Variants in MYO10 observed in about 807,000 individuals in gnomAD.
MYO10 encodes unconventional myosin-X.
MYO10 carries 133 observed loss-of-function variants against 257.3 expected under a neutral mutation model. The ratio of observed to expected loss-of-function variants is 0.52; its 90% CI spans 0.45 to 0.60. The LOEUF is 0.60. MYO10 is among the 20% of genes least tolerant of loss of function. The pLI, the probability that MYO10 is intolerant of heterozygous loss-of-function variation, is 0.00. For synonymous variants in MYO10, 1,104 were observed against 1,028.6 expected, an observed-to-expected ratio of 1.07 and a Z score of -1.40; for missense variants, 2,399 against 2,635.7, an observed-to-expected ratio of 0.91 and a Z score of 1.97.
chr5:16,875,550 T>C (rs909698478), intron 2 of MYO10, among the ~76,000 whole-genome samples: 2 of 152,184 alleles, frequency 1.3e-5, no homozygotes, highest in African/African-American at 2.4e-5. Flanking sequence ...TGTCTCTTTG[T>C]TCCCCCTCTC....
rs985678223 is a variant in MYO10, at chr5:16,701,077, G to A, written c.3318C>T (p.Ser1106=). 6.3e-6 allele frequency: 10 copies of A among 1,576,902 alleles called. 1 individual carries two copies. The South Asian group carries it at 8.2e-5, about 13-fold the overall frequency. Residue 1106 remains serine (S), a synonymous_variant, in exon 25 of 41, where the codon AGC becomes AGT. Coordinates refer to ENST00000513610, the MANE Select transcript of MYO10 (RefSeq NM_012334.3). The surrounding 1 kb of genome is among the most constrained non-coding windows in gnomAD (Gnocchi z 8.1). Reference sequence around the variant, plus strand: ...TGCCGTAGGAGTTGGAGAAGGTCACGCTGCTGCCGGAAGTGATGGCACCGT... The same window carrying A: ...TGCCGTAGGAGTTGGAGAAGGTCACACTGCTGCCGGAAGTGATGGCACCGT... ...YEDGAITSGS[S]VTFSNSYGSQ... is the part of the protein sequence containing the mutation.
intron 22 of MYO10, 77 bp from the exon 23 acceptor site, chr5:16,703,235 G>A: frequency 8.8e-7 from 1 of 1,139,484 alleles, no homozygotes; most frequent in Admixed American, 2.5e-5. Flanking sequence ...TCACATCAAG[G>A]CTACAAGACA....
intron 35 of MYO10, among the ~76,000 whole-genome samples, chr5:16,674,093 G>A (rs1434276454): frequency 6.6e-6 from 1 of 152,188 alleles, no homozygotes; most frequent in Non-Finnish European, 1.5e-5. Flanking sequence ...AAGAGCCAAT[G>A]TCTCACTGGG....
chr5:16,737,255 A>T (rs1739841027), intron 19 of MYO10, among the ~76,000 whole-genome samples: 1 of 152,220 alleles, frequency 6.6e-6, no homozygotes, highest in Non-Finnish European at 1.5e-5. Flanking sequence ...CCAAAGCCAA[A>T]CAGTATTCCC....
chr5:16,827,787 G>A (rs548650814), intron 2 of MYO10, among the ~76,000 whole-genome samples: 5 of 152,210 alleles, frequency 3.3e-5, no homozygotes, highest in Non-Finnish European at 7.4e-5. Context: ...CAGAGGGAAC[G>A]GGTTTATTAA....
At chr5:16,894,432 C>A (rs1032271592) in intron 1 of MYO10, among the ~76,000 whole-genome samples, 2 of 152,162 alleles carry the variant, frequency 1.3e-5, no homozygotes, top group Non-Finnish European at 2.9e-5. Flanking sequence ...CTGGCTTTAC[C>A]ACATCTTAGC....
At chr5:16,883,710 T>TA (rs1231546558) in intron 1 of MYO10, among the ~76,000 whole-genome samples, 11 of 152,198 alleles carry the variant, frequency 7.2e-5, no homozygotes, top group African/African-American at 2.4e-4. Flanking sequence ...ATAAAGAGGA[T>TA]AGTATCACCA....
intron 18 of MYO10, 87 bp from the exon 19 acceptor site, chr5:16,754,995 T>C (rs889419516): frequency 2.5e-6 from 2 of 790,602 alleles, no homozygotes; most frequent in Non-Finnish European, 3.9e-6. Flanking sequence ...AAACAATAAT[T>C]TAAAAAACAC....
At chr5:16,782,876 A>G (rs138964131) in intron 5 of MYO10, among the ~76,000 whole-genome samples, 14 of 152,278 alleles carry the variant, frequency 9.2e-5, no homozygotes, top group Non-Finnish European at 1.8e-4. Context: ...GCTCATGTTA[A>G]GCCTCCAAGC....
At chr5:16,816,356 CA>C (rs1742608501) in intron 3 of MYO10, among the ~76,000 whole-genome samples, 1 of 136,190 alleles carries the variant, frequency 7.3e-6, no homozygotes, top group Non-Finnish European at 1.6e-5. Context: ...AAAAAAAAGG[CA>C]AATACACTCT....
rs939102743 is a variant in MYO10, at chr5:16,664,813, A to G, written c.*1879T>C. 6.6e-6 allele frequency: 1 copy of G among 152,210 alleles called. No homozygotes were observed. Among genetic ancestry groups the G allele is most frequent in the Non-Finnish European group, 1.5e-5 (1 of 68,044 alleles). The allele number at this position is 152,210 out of a possible 1,614,324, so 9.4% of individuals were successfully genotyped here. ...CCAGTCCCTTCTTTTGCTTTCTTGA[A>G]GTCACACTCAGTGTCTACAAGAGCA... On this transcript the variant is annotated 3_prime_UTR_variant, in exon 41 of 41. Transcript: ENST00000513610.
At chr5:16,831,693 T>C (rs1233346012) in intron 2 of MYO10, among the ~76,000 whole-genome samples, 1 of 152,044 alleles carries the variant, frequency 6.6e-6, no homozygotes, top group East Asian at 1.9e-4. Context: ...GGCGTAAGAA[T>C]GACACAATGG....
Position 16,879,925 on chromosome 5 carries a change from C to A in MYO10, c.22-2218G>T, listed in dbSNP as rs551450872. Among the ~76,000 whole-genome samples, 3 of 152,320 alleles carry A rather than the reference C, an allele frequency of 2.0e-5. No homozygotes were observed. In the East Asian group the frequency reaches 5.8e-4, roughly 29 times the overall value. On this transcript the variant is annotated intron_variant, in intron 1 of 40. Transcript: ENST00000513610. Reference sequence around the variant, plus strand: ...GGACGTGGTGGCTCACGCCTATAATCCCAGCACTTTCGAAGGCCGAGATGG... The same window carrying A: ...GGACGTGGTGGCTCACGCCTATAATACCAGCACTTTCGAAGGCCGAGATGG...
chr5:16,852,075 A>G lies in MYO10; in HGVS notation c.120+25534T>C, dbSNP rs866548188. Among the ~76,000 whole-genome samples, 644 of 146,708 alleles carry G rather than the reference A, an allele frequency of 4.4e-3. 12 individuals carry two copies. The highest frequency in any genetic ancestry group is 0.021 in the Middle Eastern group (6 of 286). On this transcript the variant is annotated intron_variant, in intron 2 of 40. Coordinates refer to ENST00000513610, the MANE Select transcript of MYO10 (RefSeq NM_012334.3). Reference sequence around the variant, plus strand: ...CAAAAAAAAAAAAAAAAAAAAAAAAAAAGAAGACTTACTGATCACTGGGAA... The same window carrying G: ...CAAAAAAAAAAAAAAAAAAAAAAAAGAAGAAGACTTACTGATCACTGGGAA...
intron 1 of MYO10, among the ~76,000 whole-genome samples, chr5:16,930,708 C>A (rs1746270486): frequency 6.6e-6 from 1 of 152,176 alleles, no homozygotes; most frequent in Non-Finnish European, 1.5e-5. Context: ...CGGCTGATAA[C>A]CATGCAAACT....
intron 3 of MYO10, among the ~76,000 whole-genome samples, chr5:16,796,202 A>AAC (rs1741941687): frequency 1.4e-5 from 1 of 69,406 alleles, no homozygotes; most frequent in South Asian, 6.3e-4. Context: ...AAAAAAAAAA[A>AAC]AGAAAGAACA....
rs1736043924 is a variant in MYO10, at chr5:16,663,330, T to TTG, written c.*3361_*3362insCA. On this transcript the variant is annotated 3_prime_UTR_variant, in exon 41 of 41. Transcript: ENST00000513610. ...AAAGTAACATTTTACTTCTAGTTGT[T>TTG]TTTTTTTTTTTTTTTTTTTTTTTTT... 7 of 26,958 alleles carry TTG rather than the reference T, an allele frequency of 2.6e-4. No homozygotes were observed. Among genetic ancestry groups the TTG allele is most frequent in the African/African-American group, 7.5e-4 (6 of 8,044 alleles). 1.7% of individuals were successfully genotyped at this position (26,958 alleles called of 1,614,324 possible).
intron 10 of MYO10, among the ~76,000 whole-genome samples, chr5:16,766,596 A>AT (rs1346877032): frequency 1.3e-5 from 2 of 151,114 alleles, no homozygotes; most frequent in East Asian, 2.0e-4. Flanking sequence ...CGCCTGGCTA[A>AT]TTTTTTTGCA....
intron 16 of MYO10, 41 bp downstream of exon 16, chr5:16,762,004 C>T: frequency 6.8e-7 from 1 of 1,467,362 alleles, no homozygotes; most frequent in South Asian, 1.4e-5. Context: ...CTCTGAATAC[C>T]AAACAGGCAA....
Sources: gnomAD v4.1 joint callset for allele counts (sites outside exome capture counted in the v4.1 genomes callset) on GRCh38, gnomAD v4.1.1 for gene constraint, Gnocchi (gnomAD v3.1) non-coding constraint, MANE v1.5 for transcripts, NCBI Gene and HGNC (gene_info 2026-07-23, HGNC 2026-07-21) for gene names.